Variants in KIF24 observed in about 807,000 individuals in gnomAD.
KIF24 encodes kinesin-like protein KIF24.
KIF24 carries 81 observed loss-of-function variants against 118.9 expected under a neutral mutation model. The observed-to-expected ratio is 0.68, with a 90% CI of 0.57 to 0.82. KIF24 has a LOEUF of 0.82. Ranked by LOEUF, KIF24 falls within the 40% of genes least tolerant of loss-of-function variation. KIF24 has a pLI of 0.00. For missense variants in KIF24, 1,560 were observed against 1,661.6 expected, an observed-to-expected ratio of 0.94 and a Z score of 1.06; for synonymous variants, 599 against 610.0, an observed-to-expected ratio of 0.98 and a Z score of 0.27.
intron 1 of KIF24, 76 bp from the exon 2 acceptor site, chr9:34,311,447 C>G: frequency 1.5e-6 from 1 of 647,906 alleles, no homozygotes; most frequent in Non-Finnish European, 2.3e-6. Context: ...AAATTGAAAA[C>G]CACAAAACCA....
intron 8 of KIF24, among the ~76,000 whole-genome samples, chr9:34,264,648 A>G (rs945519426): frequency 2.6e-5 from 4 of 152,200 alleles, no homozygotes; most frequent in Non-Finnish European, 5.9e-5. Context: ...CCCCAACTTT[A>G]GCACTGAGAA....
chr9:34,318,680 G>T lies in KIF24; in HGVS notation c.-25-7309C>A. 2 of 1,540,472 alleles carry T rather than the reference G, an allele frequency of 1.3e-6. No individual in the cohort carries two copies. Among genetic ancestry groups the T allele is most frequent in the Non-Finnish European group, 1.8e-6 (2 of 1,135,392 alleles). The stretch of plus-strand genomic sequence containing the variant: ...CGGCAAGGCGACCACGGCGTCGGAG[G>T]CCAAGGCAGTGCTGAGTGCCAAGCA... On this transcript the variant is annotated intron_variant, in intron 1 of 12. Coordinates refer to ENST00000402558, the MANE Select transcript of KIF24 (RefSeq NM_194313.4). The surrounding 1 kb of genome is among the most constrained non-coding windows in gnomAD (Gnocchi z 4.9).
At chr9:34,254,652 A>G (rs1834749821) in intron 12 of KIF24, 132 bp from the exon 13 acceptor site, 1 of 879,576 alleles carries the variant, frequency 1.1e-6, no homozygotes, top group Admixed American at 2.2e-5. Flanking sequence ...AACATGTAGG[A>G]TAGTTGCTAT....
chr9:34,276,063 T>C (rs1835649841), intron 6 of KIF24, among the ~76,000 whole-genome samples: 1 of 152,166 alleles, frequency 6.6e-6, no homozygotes, highest in Non-Finnish European at 1.5e-5. Flanking sequence ...TATTTTTCAC[T>C]ACACTGTGGG....
At chr9:34,255,534 A>C (rs1353805942) in intron 11 of KIF24, among the ~76,000 whole-genome samples, 1 of 152,186 alleles carries the variant, frequency 6.6e-6, no homozygotes, top group Non-Finnish European at 1.5e-5. Context: ...ACTTGGCACA[A>C]GATGGAGCCT....
chr9:34,324,394 TC>T, intron 1 of KIF24, among the ~76,000 whole-genome samples: 1 of 152,184 alleles, frequency 6.6e-6, no homozygotes. Context: ...GGCCTTCTTC[TC>T]CCTTAATCCC....
chr9:34,280,270 C>CAA (rs1271704994), intron 6 of KIF24, among the ~76,000 whole-genome samples: 7 of 105,040 alleles, frequency 6.7e-5, no homozygotes, highest in Non-Finnish European at 1.0e-4. Flanking sequence ...GGCGACAGGG[C>CAA]GAGACTCCGT....
chr9:34,308,806 A>G (rs903877321), intron 2 of KIF24, among the ~76,000 whole-genome samples: 11 of 152,174 alleles, frequency 7.2e-5, no homozygotes, highest in African/African-American at 2.7e-4. Flanking sequence ...TGGGCAGGGC[A>G]GAGTGGCTCT....
At chr9:34,305,496 TCA>T (rs1836878382) in intron 3 of KIF24, among the ~76,000 whole-genome samples, 1 of 152,240 alleles carries the variant, frequency 6.6e-6, no homozygotes. Flanking sequence ...AATGAGAAGT[TCA>T]CACTGTGAGA....
chr9:34,317,744 T>C (rs972133999), intron 1 of KIF24, among the ~76,000 whole-genome samples: 2 of 152,202 alleles, frequency 1.3e-5, no homozygotes, highest in African/African-American at 4.8e-5. Context: ...CTTGTGTTCA[T>C]GTAACCTTAT....
In KIF24 at chr9:34,256,249, CAG is replaced by C. The variant is rs774254006; in HGVS notation, c.3356_3357del (p.Pro1119ArgfsTer2). On this transcript the variant is annotated frameshift_variant, in exon 11 of 13. Transcript: ENST00000402558. LOFTEE classifies it high-confidence loss of function. Reference sequence around the variant, plus strand: ...GGAAGATCACCACCAGGCTTATTATCAGGGGGAGATGAGGACAGCCACAGGTG... The same window carrying C: ...GGAAGATCACCACCAGGCTTATTATCGGGGAGATGAGGACAGCCACAGGTG... ...TRHLWLSSSPPDNKPGGDLPA... is the reference protein window; with the variant it reads ...TRHLWLSSSPXDNKPGGDLPA... 1.2e-5 allele frequency: 19 copies of C among 1,605,112 alleles called. No individual in the cohort carries two copies. Among genetic ancestry groups the C allele is most frequent in the Admixed American group, 6.7e-5 (4 of 59,378 alleles).
At chr9:34,283,332 A>G (rs983541627) in intron 6 of KIF24, among the ~76,000 whole-genome samples, 2 of 152,068 alleles carry the variant, frequency 1.3e-5, no homozygotes, top group African/African-American at 4.8e-5. Flanking sequence ...AAATCGCGCC[A>G]ATGCACTCCA....
chr9:34,311,799 T>C (rs1409265681), intron 1 of KIF24, among the ~76,000 whole-genome samples: 2 of 150,616 alleles, frequency 1.3e-5, no homozygotes, highest in African/African-American at 4.9e-5. Context: ...CACACACATA[T>C]ATATATACAC....
At position 34,309,696 on chromosome 9, in the gene KIF24, A is replaced by T. The variant is rs74306981; in HGVS notation, c.623+1028T>A. ...ACATGCTCTGTGATCTCCTAGACCA[A>T]ACAAAATGTTTTCAGAAATATTATA... On this transcript the variant is annotated intron_variant, in intron 2 of 12. Transcript: ENST00000402558. Among the ~76,000 whole-genome samples the T allele has an allele frequency of 1.2e-3, 181 of 152,304 alleles. 1 individual carries two copies. The East Asian group carries it at 0.033, about 28-fold the overall frequency.
Position 34,318,541 on chromosome 9 carries a change from C to A in KIF24, c.-25-7170G>T. 2.9e-6 allele frequency: 3 copies of A among 1,051,764 alleles called. No individual in the cohort carries two copies. Among genetic ancestry groups the A allele is most frequent in the East Asian group, 4.9e-5 (2 of 41,102 alleles). 65.2% of individuals were successfully genotyped at this position (1,051,764 alleles called of 1,614,324 possible). A position where few individuals can be genotyped will look rare whatever the true frequency, so the allele number is the denominator to read the frequency against. ...CCAAGGCAGCCACGCTGGCCGAACACAGCGCCGGCCTGGCCTTCAGCCTGT... is the reference window on the plus strand; with the variant it reads ...CCAAGGCAGCCACGCTGGCCGAACAAAGCGCCGGCCTGGCCTTCAGCCTGT... On this transcript the variant is annotated intron_variant, in intron 1 of 12. Transcript: ENST00000402558. This position sits in a 1 kb window ranked among gnomAD's most constrained non-coding sequence, Gnocchi z 4.9.
chr9:34,254,950 T>TA (rs1166608372), intron 12 of KIF24, 122 bp downstream of exon 12: 3 of 675,938 alleles, frequency 4.4e-6, no homozygotes, highest in Non-Finnish European at 7.8e-6. Flanking sequence ...AGGCCTCAGT[T>TA]ATGGTTAGTG....
rs774256389 is a variant in KIF24, at chr9:34,263,085, T to G, written c.1515+16A>C. The G allele has an allele frequency of 1.3e-6, 2 of 1,595,488 alleles. No individual in the cohort carries two copies. The highest frequency in any genetic ancestry group is 1.7e-6 in the Non-Finnish European group (2 of 1,164,054). ...GAATGAATCAGAACAAACTCAAGGC[T>G]CACATTTAACTTTACCTGAGTTAGT... On this transcript the variant is annotated intron_variant, in intron 9 of 12. Transcript: ENST00000402558.
At position 34,314,325 on chromosome 9, in the gene KIF24, G is replaced by A. The variant is rs12335673; in HGVS notation, c.-25-2954C>T. Among the ~76,000 whole-genome samples, 537 of 151,986 alleles carry A rather than the reference G, an allele frequency of 3.5e-3. 3 individuals carry two copies. The highest frequency in any genetic ancestry group is 5.7e-3 in the Non-Finnish European group (387 of 67,992). ...AGTACAGGCGCGCGCCACCACGCCC[G>A]GCTAATTTTTTTGTATGTTTAGTAG... is the stretch of plus-strand genomic sequence containing the variant. On this transcript the variant is annotated intron_variant, in intron 1 of 12. Coordinates refer to ENST00000402558, the MANE Select transcript of KIF24 (RefSeq NM_194313.4).
chr9:34,271,351 A>G (rs1383329788), intron 7 of KIF24, among the ~76,000 whole-genome samples: 16 of 149,794 alleles, frequency 1.1e-4, no homozygotes, highest in Admixed American at 9.3e-4. Flanking sequence ...AAAGAAAAAG[A>G]AAAGAAAAAC....
Sources: allele counts gnomAD v4.1 joint callset (sites outside exome capture counted in the v4.1 genomes callset), GRCh38; gene constraint gnomAD v4.1.1; non-coding constraint Gnocchi (gnomAD v3.1); transcripts MANE v1.5; gene names NCBI Gene and HGNC (gene_info 2026-07-23, HGNC 2026-07-21).